The following VAT1L variants were observed in gnomAD, a reference collection of about 807,000 sequenced individuals.
The protein encoded by VAT1L is vesicle amine transport 1 like.
Under a neutral mutation model 44.1 loss-of-function variants are expected in VAT1L, and 34 were observed. The ratio of observed to expected loss-of-function variants is 0.77; its 90% CI spans 0.59 to 1.03. The LOEUF (loss-of-function observed/expected upper bound fraction) is 1.03. VAT1L is among the 50% of genes least tolerant of loss of function. VAT1L has a pLI of 0.00. For missense variants in VAT1L, 615 were observed against 538.8 expected (o/e 1.14, Z -1.40); for synonymous variants, 253 against 202.2 (o/e 1.25, Z -2.13).
intron 4 of VAT1L, among the ~76,000 whole-genome samples, chr16:77,868,539 G>T (rs1249546586): frequency 1.3e-5 from 2 of 152,138 alleles, no homozygotes; most frequent in Non-Finnish European, 2.9e-5. Flanking sequence ...TTTTTCAGAG[G>T]GAGGCAAGGC....
chr16:77,879,332 C>G lies in VAT1L; in HGVS notation c.882+108C>G, dbSNP rs1435560465. On this transcript the variant is annotated intron_variant, in intron 6 of 8. Transcript: ENST00000302536. The surrounding 1 kb of genome is among the most constrained non-coding windows in gnomAD (Gnocchi z 4.1). ...TTTGAGACAGCGTCTCGTTCTGTCA[C>G]CAGGCTGGAGTGCAATGGCACGATC... 8.0e-6 allele frequency: 10 copies of G among 1,253,404 alleles called. No individual in the cohort carries two copies. Among genetic ancestry groups the G allele is most frequent in the South Asian group, 1.2e-5 (1 of 80,600 alleles). 77.6% of individuals were successfully genotyped at this position (1,253,404 alleles called of 1,614,324 possible). A position where few individuals can be genotyped will look rare whatever the true frequency, so the allele number is the denominator to read the frequency against.
At position 77,817,097 on chromosome 16, in the gene VAT1L, T is replaced by C. The variant is rs771539850; in HGVS notation, c.363+47T>C. ...AAGAGTAATATTCATTTGGAATCCA[T>C]TGAGACAACAAAAGATGATGCAGAA... On this transcript the variant is annotated intron_variant, in intron 2 of 8. Transcript: ENST00000302536. 9.4e-6 allele frequency: 15 copies of C among 1,589,298 alleles called. No individual in the cohort carries two copies. In the Admixed American group the frequency reaches 1.1e-4, roughly 11 times the overall value.
intron 3 of VAT1L, among the ~76,000 whole-genome samples, chr16:77,845,634 T>C (rs141616656): frequency 3.7e-4 from 56 of 152,248 alleles, no homozygotes; most frequent in African/African-American, 1.3e-3. Flanking sequence ...CCTCTCCTCA[T>C]CATCCCCTTC....
rs1391130978 is a variant in VAT1L at position 77,884,354 on chromosome 16, C to T, written c.883-254C>T. 6.6e-6 allele frequency among the ~76,000 whole-genome samples: 1 copy of T among 152,016 alleles called. No homozygotes were observed. Among genetic ancestry groups the T allele is most frequent in the Non-Finnish European group, 1.5e-5 (1 of 68,004 alleles). The stretch of plus-strand genomic sequence containing the variant: ...CAGAGAATTACTTGAACCCGGGAGG[C>T]AGACGTTGCAGTAAGCTGAGATCAT... On this transcript the variant is annotated intron_variant, in intron 6 of 8. Coordinates refer to ENST00000302536, the MANE Select transcript of VAT1L (RefSeq NM_020927.3). The surrounding 1 kb of genome is among the most constrained non-coding windows in gnomAD (Gnocchi z 4.5).
intron 1 of VAT1L, among the ~76,000 whole-genome samples, chr16:77,799,504 GGT>G (rs10525414): frequency 0.023 from 3,182 of 140,832 alleles, 53 homozygotes; most frequent in African/African-American, 0.061. Flanking sequence ...TGGAATACAT[GGT>G]GTGTGTGTGT....
intron 7 of VAT1L, among the ~76,000 whole-genome samples, chr16:77,955,511 G>C (rs1041163423): frequency 3.9e-5 from 6 of 152,204 alleles, no homozygotes; most frequent in Non-Finnish European, 8.8e-5. Flanking sequence ...GATTGCTTGA[G>C]GTCAGGTGTT....
chr16:77,811,692 G>A (rs1192963421), intron 1 of VAT1L, among the ~76,000 whole-genome samples: 1 of 152,138 alleles, frequency 6.6e-6, no homozygotes, highest in Admixed American at 6.5e-5. Flanking sequence ...AGCAATGTTT[G>A]TTGACTTTGG....
chr16:77,974,230 T>G (rs1208845422), intron 8 of VAT1L, among the ~76,000 whole-genome samples: 1 of 151,522 alleles, frequency 6.6e-6, no homozygotes, highest in African/African-American at 2.4e-5. Flanking sequence ...GGGGAGGGAG[T>G]GACTTGGATC....
chr16:77,807,578 GA>G (rs2016184294), intron 1 of VAT1L, among the ~76,000 whole-genome samples: 1 of 152,104 alleles, frequency 6.6e-6, no homozygotes, highest in Non-Finnish European at 1.5e-5. Context: ...TTGTCTTTTA[GA>G]ACACTCCCTA....
At chr16:77,975,613 G>A (rs557127444) in intron 8 of VAT1L, among the ~76,000 whole-genome samples, 8 of 152,284 alleles carry the variant, frequency 5.3e-5, no homozygotes, top group Admixed American at 3.9e-4. Context: ...AGGCGTGTGG[G>A]CAGCACCCAG....
chr16:77,915,518 G>A (rs2017542991), intron 7 of VAT1L, among the ~76,000 whole-genome samples: 1 of 151,990 alleles, frequency 6.6e-6, no homozygotes, highest in African/African-American at 2.4e-5. Context: ...AAATGTCACA[G>A]AAGGCCTGTG....
At chr16:77,791,829 G>T (rs2015840606) in intron 1 of VAT1L, among the ~76,000 whole-genome samples, 1 of 152,168 alleles carries the variant, frequency 6.6e-6, no homozygotes, top group African/African-American at 2.4e-5. Flanking sequence ...CTGTTGCTGG[G>T]GTCAGGGTTG....
At chr16:77,877,550 T>A (rs2017102975) in intron 5 of VAT1L, among the ~76,000 whole-genome samples, 1 of 143,154 alleles carries the variant, frequency 7.0e-6, no homozygotes. Context: ...AAAACCACAT[T>A]AGTCTCCACA....
At chr16:77,918,029 A>G (rs570494182) in intron 7 of VAT1L, among the ~76,000 whole-genome samples, 63 of 152,332 alleles carry the variant, frequency 4.1e-4, no homozygotes, top group African/African-American at 1.5e-3. Context: ...GAAAGAGCAG[A>G]GACACAGCCT....
At chr16:77,965,879 T>C (rs529119545) in intron 7 of VAT1L, among the ~76,000 whole-genome samples, 6 of 152,320 alleles carry the variant, frequency 3.9e-5, no homozygotes, top group East Asian at 3.9e-4. Context: ...TTTTGCACTA[T>C]GGACTCTGAG....
chr16:77,902,616 C>T (rs2017394134), intron 7 of VAT1L, among the ~76,000 whole-genome samples: 1 of 150,824 alleles, frequency 6.6e-6, no homozygotes, highest in Non-Finnish European at 1.5e-5. Flanking sequence ...TGGCCCCTAC[C>T]AGAAGAAGTG....
chr16:77,924,646 G>A (rs562313317), intron 7 of VAT1L, among the ~76,000 whole-genome samples: 1 of 152,240 alleles, frequency 6.6e-6, no homozygotes, highest in South Asian at 2.1e-4. Flanking sequence ...ATTTTTAGTA[G>A]AGACGGGGTT....
chr16:77,872,912 A>G (rs1165532848), intron 4 of VAT1L, among the ~76,000 whole-genome samples: 1 of 152,152 alleles, frequency 6.6e-6, no homozygotes, highest in Admixed American at 6.5e-5. Context: ...ATTAAGGGTA[A>G]ATTTGTGGGA....
chr16:77,843,873 G>C (rs2016731994), intron 3 of VAT1L, among the ~76,000 whole-genome samples: 1 of 152,236 alleles, frequency 6.6e-6, no homozygotes, highest in South Asian at 2.1e-4. Flanking sequence ...TGTGGAGGAG[G>C]ACCAGCAGAG....
Sources: gnomAD v4.1 joint callset for allele counts (sites outside exome capture counted in the v4.1 genomes callset) on GRCh38, gnomAD v4.1.1 for gene constraint, Gnocchi (gnomAD v3.1) non-coding constraint, MANE v1.5 for transcripts, NCBI Gene and HGNC (gene_info 2026-07-23, HGNC 2026-07-21) for gene names.